SPECC1: variants seen among roughly 807,000 people sequenced by gnomAD.
The protein encoded by SPECC1 is cytospin-B.
A neutral mutation model predicts 104.1 loss-of-function variants in SPECC1; 62 were observed. The observed-to-expected ratio is 0.60, with a 90% CI of 0.49 to 0.74. SPECC1 has a LOEUF of 0.74. SPECC1 is among the 30% of genes least tolerant of loss of function. SPECC1 has a pLI of 0.00. For synonymous variants in SPECC1, 513 were observed against 501.6 expected (o/e 1.02, Z -0.30); for missense variants, 1,306 against 1,310.5 (o/e 1.00, Z 0.05).
intron 5 of SPECC1, among the ~76,000 whole-genome samples, chr17:20,230,288 A>G (rs2038491597): frequency 6.6e-6 from 1 of 152,178 alleles, no homozygotes; most frequent in Non-Finnish European, 1.5e-5. Flanking sequence ...AGAATTGACT[A>G]TGTATTTCAG....
In SPECC1 at chr17:20,036,354, TC is replaced by T. The variant is rs578025000; in HGVS notation, c.-22+26933del. Among the ~76,000 whole-genome samples, 25 of 152,150 alleles carry T rather than the reference TC, an allele frequency of 1.6e-4. No homozygotes were observed. The South Asian group carries it at 5.2e-3, about 32-fold the overall frequency. On this transcript the variant is annotated intron_variant, in intron 1 of 14. Transcript: ENST00000395527. ...TATGTTGACCATTCTGGTCTCAAAC[TC>T]CCGACCTCAAGTTTTCTGCTCGCCT...
intron 3 of SPECC1, among the ~76,000 whole-genome samples, chr17:20,143,409 C>T (rs932930154): frequency 1.3e-5 from 2 of 151,042 alleles, no homozygotes; most frequent in African/African-American, 4.9e-5. Flanking sequence ...AAAGTCCGAG[C>T]GTGGTGGCTC....
At chr17:20,083,884 C>T (rs2047075645) in intron 1 of SPECC1, among the ~76,000 whole-genome samples, 2 of 152,198 alleles carry the variant, frequency 1.3e-5, no homozygotes, top group Admixed American at 6.5e-5. Flanking sequence ...TCCTTGCCAG[C>T]ACTTGATACT....
intron 3 of SPECC1, among the ~76,000 whole-genome samples, chr17:20,114,493 T>G (rs1467265871): frequency 6.9e-6 from 1 of 145,714 alleles, no homozygotes; most frequent in Non-Finnish European, 1.5e-5. Flanking sequence ...CCCAGCCTGT[T>G]TTTTTTTTTG....
At chr17:20,125,140 A>C (rs544482401) in intron 3 of SPECC1, among the ~76,000 whole-genome samples, 1 of 152,336 alleles carries the variant, frequency 6.6e-6, no homozygotes, top group East Asian at 1.9e-4. Context: ...AGATCGCGCC[A>C]CTGCACTCCA....
intron 1 of SPECC1, among the ~76,000 whole-genome samples, chr17:20,021,459 C>T (rs2044371330): frequency 6.6e-6 from 1 of 151,898 alleles, no homozygotes; most frequent in African/African-American, 2.4e-5. Flanking sequence ...GGTTGATTCC[C>T]ACTCCCAGTA....
chr17:20,297,180 TG>T lies in SPECC1; in HGVS notation c.3057+106del. The T allele has an allele frequency of 5.4e-6, 5 of 920,776 alleles. No homozygotes were observed. In the East Asian group the frequency reaches 1.3e-4, roughly 24 times the overall value. 57.0% of individuals were successfully genotyped at this position (920,776 alleles called of 1,614,324 possible). On this transcript the variant is annotated intron_variant, in intron 13 of 14. Transcript: ENST00000395527. ...GGGCTTACAGGCCTGAAGTAGAAGTTGGGATATTGATACCAGGTACAGATAA... is the reference window on the plus strand; with the variant it reads ...GGGCTTACAGGCCTGAAGTAGAAGTTGGATATTGATACCAGGTACAGATAA...
At chr17:20,176,275 T>G (rs1306445452) in intron 3 of SPECC1, among the ~76,000 whole-genome samples, 2 of 152,198 alleles carry the variant, frequency 1.3e-5, no homozygotes, top group Admixed American at 6.5e-5. Context: ...AAATGTTAGT[T>G]TCAAAAAATC....
intron 1 of SPECC1, among the ~76,000 whole-genome samples, chr17:20,038,292 G>A (rs1332253799): frequency 6.7e-6 from 1 of 149,598 alleles, no homozygotes; most frequent in Admixed American, 6.6e-5. Context: ...TTCTTGAGAT[G>A]GGAGTGGAGA....
Position 20,284,826 on chromosome 17 carries a change from A to G in SPECC1, c.2941-12135A>G, listed in dbSNP as rs779698285. On this transcript the variant is annotated intron_variant, in intron 12 of 14. Coordinates refer to ENST00000395527, the MANE Select transcript of SPECC1 (RefSeq NM_001243439.2). ...AGGGAGTGAGACTGTTTAGATCACC[A>G]TGAGCCTGAGACAGCTGGTTCCTGC... is the stretch of plus-strand genomic sequence containing the variant. Among the ~76,000 whole-genome samples, 20 of 152,248 alleles carry G rather than the reference A, an allele frequency of 1.3e-4. No homozygotes were observed. The East Asian group carries it at 1.7e-3, about 13-fold the overall frequency.
rs1302958951 is a variant in SPECC1 at position 20,096,617 on chromosome 17, C to G, written c.-21-14C>G. The G allele has an allele frequency of 6.3e-7, 1 of 1,582,692 alleles. No individual in the cohort carries two copies. Among genetic ancestry groups the G allele is most frequent in the African/African-American group, 1.4e-5 (1 of 73,550 alleles). The stretch of plus-strand genomic sequence containing the variant: ...AGTGATGGAGACATGTTTTTCTTTT[C>G]TGCTCTTTTGCAGGACAGACCCACG... On this transcript the variant is annotated splice_polypyrimidine_tract_variant and intron_variant, in intron 1 of 14. Coordinates refer to ENST00000395527, the MANE Select transcript of SPECC1 (RefSeq NM_001243439.2).
At chr17:20,249,202 G>A (rs563882600) in intron 9 of SPECC1, among the ~76,000 whole-genome samples, 42 of 152,248 alleles carry the variant, frequency 2.8e-4, no homozygotes, top group African/African-American at 9.9e-4. Context: ...GGCAGATCAC[G>A]AGGTCAGGAG....
rs576947931 is a variant in SPECC1 at position 20,193,849 on chromosome 17, C to G, written c.284-10484C>G. Among the ~76,000 whole-genome samples, 5 of 152,310 alleles carry G rather than the reference C, an allele frequency of 3.3e-5. No homozygotes were observed. The East Asian group carries it at 9.6e-4, about 29-fold the overall frequency. ...TTGTAATGTGCCCAGAATTAGAATA[C>G]TAATCCAGATTTTTACATTATCCAT... On this transcript the variant is annotated intron_variant, in intron 3 of 14. Transcript: ENST00000395527.
intron 1 of SPECC1, among the ~76,000 whole-genome samples, chr17:20,023,854 T>C (rs1446178995): frequency 2.0e-5 from 3 of 151,268 alleles, no homozygotes; most frequent in Non-Finnish European, 4.4e-5. Flanking sequence ...TTTACAAAGT[T>C]AAAATAACCC....
At chr17:20,140,261 G>T (rs1371548628) in intron 3 of SPECC1, among the ~76,000 whole-genome samples, 2 of 152,130 alleles carry the variant, frequency 1.3e-5, no homozygotes, top group Non-Finnish European at 2.9e-5. Context: ...TCTTACAGTG[G>T]TCTTGTTGAT....
chr17:20,111,883 A>G (rs1054799966), intron 3 of SPECC1: 8 of 799,478 alleles, frequency 1.0e-5, no homozygotes, highest in African/African-American at 6.7e-5. Context: ...TGGTTGCTGT[A>G]TGTGGAACTT....
chr17:20,234,681 A>G (rs1193013226), intron 7 of SPECC1, among the ~76,000 whole-genome samples: 2 of 152,216 alleles, frequency 1.3e-5, no homozygotes, highest in Non-Finnish European at 2.9e-5. Flanking sequence ...AGGACAACTG[A>G]GAGAAGGTAA....
At chr17:20,267,814 T>C (rs1298639732) in intron 12 of SPECC1, among the ~76,000 whole-genome samples, 1 of 152,100 alleles carries the variant, frequency 6.6e-6, no homozygotes, top group East Asian at 1.9e-4. Flanking sequence ...ACCGGGTCCT[T>C]TGTCTCCTCC....
At chr17:20,238,687 CTT>C (rs986692520) in intron 7 of SPECC1, 19 of 1,039,744 alleles carry the variant, frequency 1.8e-5, no homozygotes, top group East Asian at 5.8e-5. Flanking sequence ...TTTGGGCACT[CTT>C]TACCTCAGAT....
Sources: allele counts gnomAD v4.1 joint callset (sites outside exome capture counted in the v4.1 genomes callset), GRCh38; gene constraint gnomAD v4.1.1; transcripts MANE v1.5; gene names NCBI Gene and HGNC (gene_info 2026-07-23, HGNC 2026-07-21).